The following HERC2 variants were observed in gnomAD, a reference collection of about 807,000 sequenced individuals.
HERC2 encodes HECT and RLD domain containing E3 ubiquitin protein ligase 2.
A neutral mutation model predicts 537.7 loss-of-function variants in HERC2; 102 were observed. The observed-to-expected ratio is 0.19, with a 90% CI of 0.16 to 0.22. The LOEUF is 0.22. HERC2 is among the 10% of genes least tolerant of loss of function. The pLI is 1.00. For missense variants in HERC2, 4,236 were observed against 6,198.2 expected (o/e 0.68, Z 10.63); for synonymous variants, 2,224 against 2,466.2 (o/e 0.90, Z 2.91).
chr15:28,260,914 C>A lies in HERC2; in HGVS notation c.2179G>T (p.Asp727Tyr). The change falls in exon 16 of 93, where the codon GAC becomes TAC. Residue 727 changes from aspartate to tyrosine, a missense_variant. Transcript: ENST00000261609. ...CTCCCCCAGCTGTGGACCTCGCTGT[C>A]CTCAGTCAGAGCCAGGCAGTGGGTG... ...GSTHCLALTE[D>Y]SEVHSWGSND... 1.2e-6 allele frequency: 2 copies of A among 1,614,204 alleles called. No homozygotes were observed. Among genetic ancestry groups the A allele is most frequent in the Non-Finnish European group, 1.7e-6 (2 of 1,180,034 alleles).
intron 10 of HERC2, among the ~76,000 whole-genome samples, chr15:28,270,428 G>A (rs1424557694): frequency 6.6e-6 from 1 of 152,100 alleles, no homozygotes; most frequent in African/African-American, 2.4e-5. Context: ...GCCTGGGGCT[G>A]TGGATAAAGG....
intron 23 of HERC2, 99 bp from the exon 24 acceptor site, chr15:28,238,871 C>T (rs1902744217): frequency 8.0e-6 from 7 of 874,050 alleles, no homozygotes; most frequent in Admixed American, 3.6e-5. Flanking sequence ...ATAAACAAAC[C>T]CACAATCACA....
intron 89 of HERC2, 91 bp from the exon 90 acceptor site, chr15:28,114,893 A>T: frequency 9.2e-7 from 1 of 1,088,008 alleles, no homozygotes; most frequent in Non-Finnish European, 1.4e-6. Context: ...GTCAAGCAGG[A>T]ACCAGGGTCA....
At chr15:28,140,074 A>G (rs1264398101) in intron 78 of HERC2, among the ~76,000 whole-genome samples, 1 of 152,000 alleles carries the variant, frequency 6.6e-6, no homozygotes, top group Non-Finnish European at 1.5e-5. Flanking sequence ...TCTCAAAAAA[A>G]AAAAAGAAGA....
At chr15:28,284,084 C>T (rs1392969750) in intron 4 of HERC2, among the ~76,000 whole-genome samples, 7 of 152,034 alleles carry the variant, frequency 4.6e-5, no homozygotes, top group East Asian at 1.9e-4. Flanking sequence ...AAACAAAGTT[C>T]GTGCTAAGTA....
At chr15:28,168,304 G>T (rs1894349835) in intron 67 of HERC2, 103 bp downstream of exon 67, 1 of 1,115,682 alleles carries the variant, frequency 9.0e-7, no homozygotes, top group Non-Finnish European at 1.3e-6. Context: ...CTAAGCGGGA[G>T]GCACAGAAAC....
chr15:28,307,556 T>C (rs2076824114), intron 2 of HERC2, among the ~76,000 whole-genome samples: 1 of 152,240 alleles, frequency 6.6e-6, no homozygotes, highest in African/African-American at 2.4e-5. Flanking sequence ...CATTGCCATT[T>C]GTTTCAAGAA....
chr15:28,274,958 G>T lies in HERC2; in HGVS notation c.590C>A (p.Ser197Tyr). 6.2e-7 allele frequency: 1 copy of T among 1,610,088 alleles called. No individual in the cohort carries two copies. Reference sequence around the variant, plus strand: ...AAAGGCAAAAGACAGCGCCGCTCGGGATCCCACTCTGGCGAGCCCCTCCAC... The same window carrying T: ...AAAGGCAAAAGACAGCGCCGCTCGGTATCCCACTCTGGCGAGCCCCTCCAC... ...KGVEGLARVG[S>Y]RAALSFAFAF... Residue 197 changes from serine (S) to tyrosine (Y), a missense_variant, in exon 6 of 93, where the codon TCC (serine) becomes TAC (tyrosine). Transcript: ENST00000261609.
intron 4 of HERC2, among the ~76,000 whole-genome samples, chr15:28,282,616 C>T (rs2076048182): frequency 6.6e-6 from 1 of 152,108 alleles, no homozygotes; most frequent in Admixed American, 6.6e-5. Flanking sequence ...AGAAGTTATC[C>T]AATGTGAATA....
intron 2 of HERC2, chr15:28,316,073 A>AG: frequency 2.9e-6 from 1 of 343,732 alleles, no homozygotes; most frequent in South Asian, 2.3e-5. Flanking sequence ...AAAAAAAAAA[A>AG]TTATCTGGGT....
intron 56 of HERC2, among the ~76,000 whole-genome samples, chr15:28,185,203 A>G (rs1044844368): frequency 3.8e-5 from 5 of 131,654 alleles, no homozygotes; most frequent in Non-Finnish European, 7.4e-5. Context: ...CTGATTTATT[A>G]CCAGAACTAC....
At chr15:28,310,160 C>T (rs1174938924) in intron 2 of HERC2, among the ~76,000 whole-genome samples, 1 of 152,176 alleles carries the variant, frequency 6.6e-6, no homozygotes, top group Non-Finnish European at 1.5e-5. Context: ...TAAAATTAGC[C>T]AGAAAGCTGA....
intron 3 of HERC2, among the ~76,000 whole-genome samples, chr15:28,296,283 G>A (rs1383510728): frequency 6.6e-6 from 1 of 152,062 alleles, no homozygotes; most frequent in Non-Finnish European, 1.5e-5. Context: ...AGACCAGCCT[G>A]ACCAAGATGG....
chr15:28,151,154 A>G (rs1009292310), intron 70 of HERC2, among the ~76,000 whole-genome samples: 2 of 152,244 alleles, frequency 1.3e-5, no homozygotes, highest in African/African-American at 4.8e-5. Flanking sequence ...TTATATCCTA[A>G]GTCTGTCGTG....
intron 69 of HERC2, among the ~76,000 whole-genome samples, chr15:28,156,044 G>C (rs1441235364): frequency 6.6e-6 from 1 of 152,074 alleles, no homozygotes; most frequent in Non-Finnish European, 1.5e-5. Context: ...TCTCGTTTTT[G>C]TCAGGTTTGT....
At chr15:28,278,296 T>C (rs1460103680) in intron 5 of HERC2, among the ~76,000 whole-genome samples, 1 of 152,010 alleles carries the variant, frequency 6.6e-6, no homozygotes. Context: ...GGTGGGAGAA[T>C]CACTTGAGCC....
chr15:28,272,385 G>C lies in HERC2; in HGVS notation c.913C>G (p.Gln305Glu). ...ELAVQRGTLS[Q>E]MLSAILLLLQ... is the part of the protein sequence containing the mutation. ...AACAACAGGATGGCAGACAACATTT[G>C]GCTAAAGGAGAAAAGATATTTATTC... The change falls in exon 9 of 93, where the codon CAA becomes GAA. Residue 305 changes from glutamine to glutamate, a missense_variant and splice_region_variant. This residue lies in a region of HERC2 where 491 missense variants were observed against 559.3 expected (regional missense o/e 0.88). Transcript: ENST00000261609. 6.2e-7 allele frequency: 1 copy of C among 1,610,542 alleles called. No individual in the cohort carries two copies. Among genetic ancestry groups the C allele is most frequent in the Non-Finnish European group, 8.5e-7 (1 of 1,178,098 alleles).
intron 22 of HERC2, among the ~76,000 whole-genome samples, chr15:28,246,377 C>T (rs1204515162): frequency 6.6e-6 from 1 of 151,968 alleles, no homozygotes; most frequent in Non-Finnish European, 1.5e-5. Context: ...AAAAATAATG[C>T]TCTAACCTCA....
intron 68 of HERC2, among the ~76,000 whole-genome samples, chr15:28,165,993 C>A (rs1894099847): frequency 6.6e-6 from 1 of 152,166 alleles, no homozygotes; most frequent in Non-Finnish European, 1.5e-5. Context: ...GAGCATAAAA[C>A]ATCTTATTGA....
Sources: allele counts gnomAD v4.1 joint callset (sites outside exome capture counted in the v4.1 genomes callset), GRCh38; gene constraint gnomAD v4.1.1; regional missense constraint gnomAD v4.1.1; transcripts MANE v1.5; gene names NCBI Gene and HGNC (gene_info 2026-07-23, HGNC 2026-07-21).